HS3ST5: variants seen among roughly 807,000 people sequenced by gnomAD.
The protein encoded by HS3ST5 is heparan sulfate-glucosamine 3-sulfotransferase 5.
A neutral mutation model predicts 25.4 loss-of-function variants in HS3ST5; 10 were observed. The observed-to-expected ratio is 0.39, with a 90% confidence interval of 0.24 to 0.67. HS3ST5 has a LOEUF of 0.67. Ranked by LOEUF, HS3ST5 falls within the 30% of genes least tolerant of loss-of-function variation. HS3ST5 has a pLI of 0.44. For synonymous variants in HS3ST5, 170 were observed against 162.4 expected, an observed-to-expected ratio of 1.05 and a Z score of -0.36; for missense variants, 324 against 420.7, an observed-to-expected ratio of 0.77 and a Z score of 2.01.
At chr6:114,306,523 A>G (rs77868681) in intron 1 of HS3ST5, among the ~76,000 whole-genome samples, 3,329 of 151,960 alleles carry the variant, frequency 0.022, 59 homozygotes, top group Middle Eastern at 0.038. Flanking sequence ...GCTCGATATT[A>G]TATTTATAGT....
intron 1 of HS3ST5, among the ~76,000 whole-genome samples, chr6:114,341,222 GGAGAGAGAGAGAGAGAGAGAGA>G (rs4034605): frequency 2.1e-5 from 1 of 46,600 alleles, no homozygotes; most frequent in African/African-American, 1.2e-4. Context: ...GGAGAGAGGG[GGAGAGAGAGAGAGAGAGAGAGA>G]GAGAGAGAGA....
intron 2 of HS3ST5, among the ~76,000 whole-genome samples, chr6:114,169,768 C>T (rs1349357175): frequency 6.6e-6 from 1 of 152,154 alleles, no homozygotes; most frequent in Non-Finnish European, 1.5e-5. Context: ...GGGCACTCAA[C>T]ATTCATTATA....
At chr6:114,220,942 C>CATT (rs1370818836) in intron 2 of HS3ST5, among the ~76,000 whole-genome samples, 1 of 151,940 alleles carries the variant, frequency 6.6e-6, no homozygotes, top group Non-Finnish European at 1.5e-5. Context: ...TTAAGGGAAA[C>CATT]ATTATTTTGA....
intron 1 of HS3ST5, among the ~76,000 whole-genome samples, chr6:114,308,481 G>A (rs1462211557): frequency 2.0e-5 from 3 of 152,086 alleles, no homozygotes; most frequent in Non-Finnish European, 4.4e-5. Flanking sequence ...CAGCTACTCG[G>A]GAGGCTGAGG....
At chr6:114,246,965 A>G (rs1772409042) in intron 1 of HS3ST5, among the ~76,000 whole-genome samples, 1 of 152,226 alleles carries the variant, frequency 6.6e-6, no homozygotes, top group African/African-American at 2.4e-5. Flanking sequence ...TTCATTTATT[A>G]CGGTAACAGG....
At chr6:114,298,828 G>T (rs76871009) in intron 1 of HS3ST5, among the ~76,000 whole-genome samples, 6 of 152,114 alleles carry the variant, frequency 3.9e-5, no homozygotes, top group African/African-American at 1.4e-4. Context: ...CAATACCCTT[G>T]TGATTTCCTA....
chr6:114,259,216 T>A (rs1211687036), intron 1 of HS3ST5, among the ~76,000 whole-genome samples: 1 of 152,234 alleles, frequency 6.6e-6, no homozygotes, highest in South Asian at 2.1e-4. Context: ...ATGGGAATCA[T>A]TTCCTGTAGC....
At chr6:114,170,058 A>T (rs1779405676) in intron 2 of HS3ST5, among the ~76,000 whole-genome samples, 1 of 152,180 alleles carries the variant, frequency 6.6e-6, no homozygotes, top group African/African-American at 2.4e-5. Context: ...CTTTCAATGG[A>T]GAAGGTTAAA....
At chr6:114,112,399 T>G (rs1776312354) in intron 3 of HS3ST5, 1 of 152,256 alleles carries the variant, frequency 6.6e-6, no homozygotes, top group Non-Finnish European at 1.5e-5. Context: ...AGAAATGGAT[T>G]CTTCCTTAGT....
chr6:114,264,871 C>T lies in HS3ST5; in HGVS notation c.-338-36093G>A, dbSNP rs550169423. On this transcript the variant is annotated intron_variant, in intron 1 of 4. Coordinates refer to ENST00000312719, the MANE Select transcript of HS3ST5 (RefSeq NM_153612.4). ...TAAGAAGTCAGCAAAGAATACAGAG[C>T]AAGAGTTGGGGTTTGTTTTGTTTTT... Among the ~76,000 whole-genome samples, 8 of 152,068 alleles carry T rather than the reference C, an allele frequency of 5.3e-5. No homozygotes were observed. The South Asian group carries it at 1.5e-3, about 28-fold the overall frequency.
intron 1 of HS3ST5, among the ~76,000 whole-genome samples, chr6:114,287,690 T>G (rs539306399): frequency 1.6e-4 from 24 of 151,916 alleles, no homozygotes; most frequent in Non-Finnish European, 2.9e-4. Context: ...CAAAGAACAC[T>G]CTCTATTTTC....
chr6:114,139,832 A>C (rs1175105465), intron 3 of HS3ST5, among the ~76,000 whole-genome samples: 2 of 152,250 alleles, frequency 1.3e-5, no homozygotes, highest in Admixed American at 1.3e-4. Flanking sequence ...CAAAATTAGA[A>C]GCCATATTTG....
intron 2 of HS3ST5, among the ~76,000 whole-genome samples, chr6:114,205,623 G>A (rs948288069): frequency 1.3e-5 from 2 of 152,162 alleles, no homozygotes; most frequent in Non-Finnish European, 2.9e-5. Context: ...ATCAACTGGT[G>A]GGGCTGAAAG....
At chr6:114,094,087 G>C (rs1212803602) in intron 3 of HS3ST5, among the ~76,000 whole-genome samples, 1 of 152,190 alleles carries the variant, frequency 6.6e-6, no homozygotes, top group Non-Finnish European at 1.5e-5. Flanking sequence ...GCTTGCACCA[G>C]TGTTGAGAAG....
intron 3 of HS3ST5, among the ~76,000 whole-genome samples, chr6:114,154,475 T>G (rs73536675): frequency 0.013 from 1,943 of 152,226 alleles, 46 homozygotes; most frequent in African/African-American, 0.045. Flanking sequence ...CTGGGCAACA[T>G]AGCAAGACTC....
chr6:114,342,465 G>C lies in HS3ST5; in HGVS notation c.-609C>G. ...GCGGCGGCGAGGTCTGAGGCGGGGA[G>C]CCGGGCGGGGGGGCAGGCGGGCGAG... On this transcript the variant is annotated 5_prime_UTR_variant, in exon 1 of 5. Coordinates refer to ENST00000312719, the MANE Select transcript of HS3ST5 (RefSeq NM_153612.4). 5.4e-6 allele frequency: 1 copy of C among 183,892 alleles called. No individual in the cohort carries two copies. Among genetic ancestry groups the C allele is most frequent in the Non-Finnish European group, 1.1e-5 (1 of 92,856 alleles). The allele number at this position is 183,892 out of a possible 1,614,324, so 11.4% of individuals were successfully genotyped here.
At chr6:114,252,211 C>G (rs1772697635) in intron 1 of HS3ST5, among the ~76,000 whole-genome samples, 1 of 151,782 alleles carries the variant, frequency 6.6e-6, no homozygotes, top group Non-Finnish European at 1.5e-5. Context: ...TGCCTTCATG[C>G]AGATTATTGC....
chr6:114,160,656 A>C (rs766329751), intron 3 of HS3ST5, among the ~76,000 whole-genome samples: 1 of 152,210 alleles, frequency 6.6e-6, no homozygotes, highest in Non-Finnish European at 1.5e-5. Context: ...CTAATGCACC[A>C]TTAACATTTT....
intron 2 of HS3ST5, among the ~76,000 whole-genome samples, chr6:114,184,343 A>G (rs1780113349): frequency 6.6e-6 from 1 of 152,164 alleles, no homozygotes; most frequent in South Asian, 2.1e-4. Context: ...GCTCATCCAT[A>G]TGGCAAAAAA....
Sources: gnomAD v4.1 joint callset for allele counts (sites outside exome capture counted in the v4.1 genomes callset) on GRCh38, gnomAD v4.1.1 for gene constraint, MANE v1.5 for transcripts, NCBI Gene and HGNC (gene_info 2026-07-23, HGNC 2026-07-21) for gene names.